The following EFHC2 variants were observed in gnomAD, a reference collection of about 807,000 sequenced individuals.
EFHC2 encodes EF-hand domain-containing family member C2.
EFHC2 carries 18 observed loss-of-function variants against 52.7 expected under a neutral mutation model. The observed-to-expected ratio is 0.34, with a 90% CI of 0.24 to 0.51. EFHC2 has a LOEUF of 0.51. Among genes scored for constraint, EFHC2 ranks in the 20% least tolerant of loss-of-function variants. EFHC2 has a pLI of 0.97. For synonymous variants in EFHC2, 203 were observed against 204.1 expected, an observed-to-expected ratio of 0.99 and a Z score of 0.04; for missense variants, 513 against 562.5, an observed-to-expected ratio of 0.91 and a Z score of 0.89.
chrX:44,239,348 C>T, intron 8 of EFHC2, among the ~76,000 whole-genome samples: 1 of 112,128 alleles, frequency 8.9e-6, no homozygotes, highest in East Asian at 2.8e-4. Context: ...CTCACTTCTT[C>T]ATCCATTCCT....
chrX:44,222,475 T>C (rs997295142), intron 11 of EFHC2, among the ~76,000 whole-genome samples: 4 of 112,095 alleles, frequency 3.6e-5, no homozygotes, highest in Admixed American at 1.9e-4. Flanking sequence ...TATAAACCTG[T>C]TTTTAATCCA....
intron 1 of EFHC2, among the ~76,000 whole-genome samples, chrX:44,330,847 C>T (rs746689263): frequency 8.9e-6 from 1 of 111,930 alleles, no homozygotes; most frequent in East Asian, 2.8e-4. Context: ...TATCACTACA[C>T]ACCTCTCAGA....
intron 3 of EFHC2, among the ~76,000 whole-genome samples, chrX:44,261,659 T>C (rs2037539498): frequency 9.8e-6 from 1 of 101,815 alleles, no homozygotes; most frequent in Non-Finnish European, 1.9e-5. Context: ...ACAAGCCTGC[T>C]CACATTCAGC....
chrX:44,296,583 G>A (rs767697621), intron 2 of EFHC2, among the ~76,000 whole-genome samples: 1 of 111,642 alleles, frequency 9.0e-6, no homozygotes, highest in African/African-American at 3.3e-5. Context: ...GAGGATCATG[G>A]TATAAAATCT....
At chrX:44,298,494 G>A (rs992431480) in intron 2 of EFHC2, among the ~76,000 whole-genome samples, 3 of 111,651 alleles carry the variant, frequency 2.7e-5, no homozygotes, top group Non-Finnish European at 3.8e-5. Flanking sequence ...CAACAGAGAC[G>A]TCTAGACGGT....
At chrX:44,226,733 G>A (rs753648194) in intron 11 of EFHC2, among the ~76,000 whole-genome samples, 16 of 109,184 alleles carry the variant, frequency 1.5e-4, no homozygotes, top group African/African-American at 3.7e-4. Flanking sequence ...ATCATACACC[G>A]GGGCCTGTCG....
chrX:44,271,535 A>G (rs1411992262), intron 3 of EFHC2, among the ~76,000 whole-genome samples: 1 of 111,348 alleles, frequency 9.0e-6, no homozygotes, highest in African/African-American at 3.3e-5. Context: ...TCAGCTCGTC[A>G]AGGAACTGAG....
chrX:44,333,844 A>G (rs750064483), intron 1 of EFHC2, among the ~76,000 whole-genome samples: 1 of 111,799 alleles, frequency 8.9e-6, no homozygotes, highest in East Asian at 2.8e-4. Flanking sequence ...TTTCTCATAT[A>G]AGAAGAGCTG....
intron 2 of EFHC2, among the ~76,000 whole-genome samples, chrX:44,305,481 A>T (rs970196592): frequency 3.6e-5 from 4 of 111,392 alleles, no homozygotes; most frequent in African/African-American, 9.8e-5. Flanking sequence ...TTGATTTTTT[A>T]AAATATTATA....
At chrX:44,252,411 G>A (rs1231076861) in intron 4 of EFHC2, among the ~76,000 whole-genome samples, 2 of 112,026 alleles carry the variant, frequency 1.8e-5, no homozygotes, top group African/African-American at 6.5e-5. Flanking sequence ...CTTAACCCAA[G>A]ACAGTGGGGA....
In EFHC2 at chrX:44,277,983, T is replaced by G. The variant is rs1222887591; in HGVS notation, c.232-5147A>C. 8.9e-5 allele frequency among the ~76,000 whole-genome samples: 10 copies of G among 111,906 alleles called. No individual in the cohort carries two copies. The Admixed American group carries it at 9.4e-4, about 11-fold the overall frequency. ...TCTGGGGTAAATTAATGGATTAAAATTATTACATAAAAGAATTTAGAGTCT... is the reference window on the plus strand; with the variant it reads ...TCTGGGGTAAATTAATGGATTAAAAGTATTACATAAAAGAATTTAGAGTCT... On this transcript the variant is annotated intron_variant, in intron 2 of 14. Transcript: ENST00000420999.
At chrX:44,263,112 T>C (rs1356673121) in intron 3 of EFHC2, among the ~76,000 whole-genome samples, 1 of 112,260 alleles carries the variant, frequency 8.9e-6, no homozygotes, top group Non-Finnish European at 1.9e-5. Flanking sequence ...TGTCTCTCAA[T>C]ATCTGTAACT....
rs756324155 is a variant in EFHC2 at position 44,261,206 on chromosome X, C to T, written c.475G>A (p.Val159Ile). The T allele has an allele frequency of 9.9e-6, 12 of 1,209,883 alleles. No individual in the cohort carries two copies. Among genetic ancestry groups the T allele is most frequent in the African/African-American group, 1.7e-5 (1 of 57,211 alleles). The change falls in exon 4 of 15, where the codon GTC (valine) becomes ATC (isoleucine). Residue 159 changes from valine (V) to isoleucine (I), a missense_variant. Physicochemically the swap from Val to Ile is conservative, Grantham distance 29 (BLOSUM62 3). Transcript: ENST00000420999. ...ATCTTGAATGTCCGGCCATAGAAGACAACCTCTGTGCCGACATTAAAATGA... is the reference window on the plus strand; with the variant it reads ...ATCTTGAATGTCCGGCCATAGAAGATAACCTCTGTGCCGACATTAAAATGA... The part of the protein sequence containing the change: ...VYHFNVGTEV[V>I]FYGRTFKIYD...
At chrX:44,304,360 G>T (rs915723396) in intron 2 of EFHC2, among the ~76,000 whole-genome samples, 2 of 112,181 alleles carry the variant, frequency 1.8e-5, no homozygotes, top group African/African-American at 6.5e-5. Context: ...GAGGCTCAGA[G>T]AGGTAAAGTG....
chrX:44,277,908 T>TA (rs2147356592), intron 2 of EFHC2, among the ~76,000 whole-genome samples: 1 of 110,490 alleles, frequency 9.1e-6, no homozygotes, highest in South Asian at 3.7e-4. Flanking sequence ...TAAAAGTATA[T>TA]AATAAAATAT....
intron 14 of EFHC2, among the ~76,000 whole-genome samples, chrX:44,151,762 A>G (rs2036572131): frequency 8.9e-6 from 1 of 112,105 alleles, no homozygotes; most frequent in African/African-American, 3.2e-5. Context: ...TTATATCATA[A>G]GGAAAGCAGG....
chrX:44,321,312 C>G (rs944342084), intron 1 of EFHC2, among the ~76,000 whole-genome samples: 1 of 110,766 alleles, frequency 9.0e-6, no homozygotes, highest in Non-Finnish European at 1.9e-5. Context: ...GTCCAGAATT[C>G]TATTTTGGAC....
At position 44,242,161 on chromosome X, in the gene EFHC2, G is replaced by A; in HGVS notation, c.1240C>T (p.Pro414Ser). ...AACTTCTTGAAGTTCCTCCGATGAG[G>A]TGTGGGCTTGAGGTCTATGCAGTTA... is the stretch of plus-strand genomic sequence containing the variant. ...LRNCIDLKPT[P>S]HRRNFKKFME... The change falls in exon 8 of 15, where the codon CCT becomes TCT. Residue 414 changes from proline to serine, a missense_variant. Physicochemically the swap from Pro to Ser is moderately conservative, Grantham distance 74. Transcript: ENST00000420999. 8.3e-7 allele frequency: 1 copy of A among 1,205,643 alleles called. No homozygotes were observed. Among genetic ancestry groups the A allele is most frequent in the Non-Finnish European group, 1.1e-6 (1 of 892,908 alleles).
chrX:44,252,154 C>T (rs186366469), intron 4 of EFHC2, among the ~76,000 whole-genome samples: 2 of 111,588 alleles, frequency 1.8e-5, no homozygotes, highest in African/African-American at 3.3e-5. Context: ...GCCTCTGCCT[C>T]GGCTGTCCTC....
Sources: allele counts gnomAD v4.1 joint callset (sites outside exome capture counted in the v4.1 genomes callset), GRCh38; gene constraint gnomAD v4.1.1; transcripts MANE v1.5; gene names NCBI Gene and HGNC (gene_info 2026-07-23, HGNC 2026-07-21).